The following DAPP1 variants were observed in gnomAD, a reference collection of about 807,000 sequenced individuals.
DAPP1 encodes the protein dual adapter for phosphotyrosine and 3-phosphotyrosine and 3-phosphoinositide.
DAPP1 carries 20 observed loss-of-function variants against 41.5 expected under a neutral mutation model. The ratio of observed to expected loss-of-function variants is 0.48; its 90% CI spans 0.34 to 0.70. The LOEUF is 0.70. Among genes scored for constraint, DAPP1 ranks in the 30% least tolerant of loss-of-function variants. The probability of loss-of-function intolerance (pLI) is 0.01; values close to 1 mark genes in which losing one functional copy is unlikely to be tolerated. For missense variants in DAPP1, 233 were observed against 333.4 expected (o/e 0.70, Z 2.35); for synonymous variants, 113 against 116.2 (o/e 0.97, Z 0.18).
At chr4:99,849,432 G>C (rs1342533107) in intron 3 of DAPP1, among the ~76,000 whole-genome samples, 1 of 152,134 alleles carries the variant, frequency 6.6e-6, no homozygotes, top group East Asian at 1.9e-4. Context: ...ACTCTATCAA[G>C]TGGTAGGGAT....
intron 3 of DAPP1, among the ~76,000 whole-genome samples, chr4:99,843,037 C>T (rs925868192): frequency 3.3e-5 from 5 of 152,134 alleles, no homozygotes; most frequent in African/African-American, 1.2e-4. Flanking sequence ...ACAAGCCCCT[C>T]CCAGGGCTCT....
chr4:99,828,324 G>C (rs1275993114), intron 1 of DAPP1, among the ~76,000 whole-genome samples: 1 of 152,114 alleles, frequency 6.6e-6, no homozygotes, highest in Non-Finnish European at 1.5e-5. Context: ...ATATATTCAA[G>C]TTAATAGCCT....
chr4:99,851,154 A>G lies in DAPP1; in HGVS notation c.359-2064A>G, dbSNP rs183092189. Among the ~76,000 whole-genome samples, 6 of 152,338 alleles carry G rather than the reference A, an allele frequency of 3.9e-5. No homozygotes were observed. In the East Asian group the frequency reaches 1.2e-3, roughly 29 times the overall value. On this transcript the variant is annotated intron_variant, in intron 3 of 8. Transcript: ENST00000512369. ...AGCCTGCACAGCAGCTACTCTTGAT[A>G]TAGGTACTGCTGCTTTCATTCTGAC...
At chr4:99,829,475 C>T (rs1038732688) in intron 1 of DAPP1, among the ~76,000 whole-genome samples, 2 of 151,074 alleles carry the variant, frequency 1.3e-5, no homozygotes, top group Admixed American at 6.6e-5. Context: ...AGTGAAACTC[C>T]GTCTCAAAAA....
intron 1 of DAPP1, among the ~76,000 whole-genome samples, chr4:99,821,741 A>C (rs1722782590): frequency 6.6e-6 from 1 of 152,218 alleles, no homozygotes; most frequent in Non-Finnish European, 1.5e-5. Context: ...ATACTAGTAC[A>C]TGTTCATAGT....
intron 1 of DAPP1, among the ~76,000 whole-genome samples, chr4:99,830,687 C>G (rs933647695): frequency 6.6e-6 from 1 of 152,162 alleles, no homozygotes; most frequent in Non-Finnish European, 1.5e-5. Flanking sequence ...GCTATTCCCT[C>G]CCATGTTATA....
intron 8 of DAPP1, chr4:99,866,526 T>G (rs1560711786): frequency 1.3e-6 from 1 of 764,700 alleles, no homozygotes; most frequent in Non-Finnish European, 2.4e-6. Flanking sequence ...GCACTTAGCT[T>G]AGTTTCCAAT....
At chr4:99,840,508 T>G in intron 3 of DAPP1, 86 bp downstream of exon 3, 1 of 1,402,320 alleles carries the variant, frequency 7.1e-7, no homozygotes, top group Non-Finnish European at 9.7e-7. Context: ...AGAATGTCAT[T>G]GTTGTCATTT....
chr4:99,828,099 CAA>C (rs1344541018), intron 1 of DAPP1, among the ~76,000 whole-genome samples: 1 of 152,158 alleles, frequency 6.6e-6, no homozygotes, highest in African/African-American at 2.4e-5. Context: ...AATATGTAGG[CAA>C]AGATTGGATA....
intron 7 of DAPP1, 125 bp from the exon 8 acceptor site, chr4:99,865,909 A>AT (rs1466643326): frequency 5.7e-5 from 5 of 87,812 alleles, no homozygotes; most frequent in African/African-American, 1.6e-4. Flanking sequence ...TAATATATAT[A>AT]TATATATATA....
chr4:99,861,789 A>C (rs1363436977), intron 5 of DAPP1, among the ~76,000 whole-genome samples, 164 bp downstream of exon 5: 1 of 152,220 alleles, frequency 6.6e-6, no homozygotes, highest in Non-Finnish European at 1.5e-5. Context: ...ATGGCTCATT[A>C]GTCAAAATTC....
intron 7 of DAPP1, chr4:99,864,970 G>T (rs1424869637): frequency 3.9e-5 from 6 of 152,090 alleles, no homozygotes; most frequent in Admixed American, 3.9e-4. Context: ...CAAAAGAAAG[G>T]GATAATTATC....
At chr4:99,848,813 G>A (rs1327312884) in intron 3 of DAPP1, among the ~76,000 whole-genome samples, 2 of 152,186 alleles carry the variant, frequency 1.3e-5, no homozygotes, top group Admixed American at 1.3e-4. Flanking sequence ...AAGCAATTAA[G>A]TGGATCCCCA....
At chr4:99,831,182 G>T (rs1306498369) in intron 1 of DAPP1, among the ~76,000 whole-genome samples, 4 of 152,142 alleles carry the variant, frequency 2.6e-5, no homozygotes, top group African/African-American at 7.2e-5. Flanking sequence ...AAACCAAGTG[G>T]TAACATTTGG....
downstream of DAPP1, among the ~76,000 whole-genome samples, chr4:99,872,171 C>A (rs1203595200): frequency 6.6e-6 from 1 of 152,174 alleles, no homozygotes; most frequent in East Asian, 1.9e-4. Context: ...AAGATTGGAG[C>A]CAGAGAAGTT....
At chr4:99,865,808 A>G (rs926122830) in intron 7 of DAPP1, 4 of 149,814 alleles carry the variant, frequency 2.7e-5, no homozygotes, top group Admixed American at 6.7e-5. Context: ...TGCTGGCAGG[A>G]GTAGGTGCAT....
At chr4:99,836,667 G>A (rs147643485) in intron 2 of DAPP1, among the ~76,000 whole-genome samples, 4 of 152,262 alleles carry the variant, frequency 2.6e-5, no homozygotes, top group Middle Eastern at 3.4e-3. Context: ...CAGTCTACAC[G>A]GTCACTACTG....
At chr4:99,845,660 T>C (rs900974816) in intron 3 of DAPP1, among the ~76,000 whole-genome samples, 1 of 152,182 alleles carries the variant, frequency 6.6e-6, no homozygotes, top group Admixed American at 6.6e-5. Flanking sequence ...TTCTAAAGAG[T>C]GTGAATCAAC....
chr4:99,826,163 G>C (rs950915276), intron 1 of DAPP1, among the ~76,000 whole-genome samples: 1 of 152,206 alleles, frequency 6.6e-6, no homozygotes, highest in African/African-American at 2.4e-5. Context: ...GTGAGGCTAA[G>C]TATAGGCTCA....
Sources: allele counts gnomAD v4.1 joint callset (sites outside exome capture counted in the v4.1 genomes callset), GRCh38; gene constraint gnomAD v4.1.1; transcripts MANE v1.5; gene names NCBI Gene and HGNC (gene_info 2026-07-23, HGNC 2026-07-21).